PHACTR1: variants seen among roughly 807,000 people sequenced by gnomAD.
PHACTR1 encodes the protein RPEL repeat containing 1.
In PHACTR1, 16 loss-of-function variants were observed where a neutral mutation model predicts 69.2. The observed-to-expected ratio is 0.23, with a 90% CI of 0.16 to 0.35. The LOEUF (loss-of-function observed/expected upper bound fraction) is 0.35. Among genes scored for constraint, PHACTR1 ranks in the 10% least tolerant of loss-of-function variants. The pLI is 1.00. For synonymous variants in PHACTR1, 312 were observed against 284.5 expected (o/e 1.10, Z -0.97); for missense variants, 510 against 734.7 (o/e 0.69, Z 3.54).
At chr6:12,969,525 C>T (rs1025229095) in intron 4 of PHACTR1, among the ~76,000 whole-genome samples, 7 of 152,120 alleles carry the variant, frequency 4.6e-5, no homozygotes, top group Non-Finnish European at 1.0e-4. Flanking sequence ...GAGGATCACT[C>T]GAGTCCAGGA....
At chr6:12,868,921 G>A (rs1253567561) in intron 4 of PHACTR1, among the ~76,000 whole-genome samples, 2 of 151,986 alleles carry the variant, frequency 1.3e-5, no homozygotes, top group Admixed American at 6.6e-5. Flanking sequence ...ATTCCAAAGG[G>A]GTTCCACTTT....
chr6:12,743,191 A>C (rs1267314477), intron 3 of PHACTR1, among the ~76,000 whole-genome samples: 3 of 54,450 alleles, frequency 5.5e-5, no homozygotes, highest in African/African-American at 2.6e-4. Flanking sequence ...AATTGCAGGA[A>C]AAAAAAAAAA....
intron 6 of PHACTR1, among the ~76,000 whole-genome samples, chr6:13,162,545 C>T (rs960768990): frequency 9.2e-4 from 140 of 152,170 alleles, no homozygotes; most frequent in African/African-American, 3.4e-3. Context: ...AATAAGCACC[C>T]GAGTGCTTAA....
chr6:12,766,068 G>A (rs971071638), intron 4 of PHACTR1, among the ~76,000 whole-genome samples: 1 of 152,046 alleles, frequency 6.6e-6, no homozygotes, highest in African/African-American at 2.4e-5. Context: ...CTGGACCCTA[G>A]GAACTATCAT....
At chr6:13,172,928 G>C (rs1760811577) in intron 6 of PHACTR1, among the ~76,000 whole-genome samples, 6 of 152,250 alleles carry the variant, frequency 3.9e-5, no homozygotes, top group Admixed American at 3.3e-4. Flanking sequence ...AGGCAGAAAA[G>C]AACATCACGG....
intron 7 of PHACTR1, among the ~76,000 whole-genome samples, chr6:13,202,651 A>G (rs917794165): frequency 6.6e-6 from 1 of 152,040 alleles, no homozygotes; most frequent in African/African-American, 2.4e-5. Flanking sequence ...CTAATTTTGT[A>G]TTTTTAGTAG....
intron 7 of PHACTR1, among the ~76,000 whole-genome samples, chr6:13,196,799 A>G (rs931618588): frequency 6.6e-6 from 1 of 152,172 alleles, no homozygotes; most frequent in Non-Finnish European, 1.5e-5. Context: ...CTCCTGGAGC[A>G]TTTTGTGGTG....
At chr6:13,017,782 GAAATA>G (rs1307877042) in intron 4 of PHACTR1, among the ~76,000 whole-genome samples, 1 of 151,908 alleles carries the variant, frequency 6.6e-6, no homozygotes, top group Non-Finnish European at 1.5e-5. Context: ...AATTTCAATA[GAAATA>G]AAATATTTTA....
chr6:12,876,623 A>T (rs1449337599), intron 4 of PHACTR1, among the ~76,000 whole-genome samples: 3 of 152,240 alleles, frequency 2.0e-5, no homozygotes, highest in Non-Finnish European at 2.9e-5. Flanking sequence ...AAGACTGTAC[A>T]CAGACTAAGA....
chr6:13,262,271 A>T (rs898997263), intron 10 of PHACTR1, among the ~76,000 whole-genome samples: 2 of 152,166 alleles, frequency 1.3e-5, no homozygotes, highest in African/African-American at 4.8e-5. Context: ...TGGGCATCTC[A>T]CTAGGACTCC....
At chr6:13,060,445 G>A (rs1807501288) in intron 5 of PHACTR1, among the ~76,000 whole-genome samples, 2 of 152,166 alleles carry the variant, frequency 1.3e-5, no homozygotes, top group Non-Finnish European at 2.9e-5. Flanking sequence ...GTTTTATGAT[G>A]CACGAGAGAT....
At chr6:13,027,656 C>T (rs1176071121) in intron 4 of PHACTR1, among the ~76,000 whole-genome samples, 2 of 149,552 alleles carry the variant, frequency 1.3e-5, no homozygotes, top group Non-Finnish European at 3.0e-5. Flanking sequence ...ACACTTGCTG[C>T]ACAGGATGGT....
intron 4 of PHACTR1, among the ~76,000 whole-genome samples, chr6:12,790,037 A>T (rs930060675): frequency 6.6e-6 from 1 of 151,104 alleles, no homozygotes; most frequent in Non-Finnish European, 1.5e-5. Context: ...AACCTGGTTT[A>T]CTCTGATAAC....
chr6:12,718,637 T>C, intron 2 of PHACTR1, 62 bp from the exon 3 acceptor site: 1 of 447,302 alleles, frequency 2.2e-6, no homozygotes, highest in Non-Finnish European at 4.0e-6. Context: ...TTAAAGTACA[T>C]CTATATATAC....
chr6:13,063,993 T>G (rs1463092178), intron 5 of PHACTR1, among the ~76,000 whole-genome samples: 1 of 152,130 alleles, frequency 6.6e-6, no homozygotes, highest in Non-Finnish European at 1.5e-5. Context: ...AAGCTTGGAG[T>G]GGCACCAAGT....
At chr6:13,041,426 C>T (rs13190774) in intron 4 of PHACTR1, among the ~76,000 whole-genome samples, 25,119 of 151,274 alleles carry the variant, frequency 0.17, 2,560 homozygotes, top group South Asian at 0.26. Context: ...TGCAAAAATA[C>T]TCACTTCAGC....
intron 4 of PHACTR1, among the ~76,000 whole-genome samples, chr6:12,918,677 C>T (rs763246743): frequency 6.6e-6 from 1 of 152,186 alleles, no homozygotes; most frequent in South Asian, 2.1e-4. Flanking sequence ...CTCCCTAAAT[C>T]TTGCCTCATC....
chr6:13,254,602 C>T (rs944653041), intron 10 of PHACTR1, among the ~76,000 whole-genome samples: 1 of 152,176 alleles, frequency 6.6e-6, no homozygotes, highest in African/African-American at 2.4e-5. Context: ...ATGATCTTCC[C>T]ATCAGTCAAG....
At chr6:13,273,065 C>T in intron 11 of PHACTR1, 150 bp downstream of exon 11, 1 of 1,174,832 alleles carries the variant, frequency 8.5e-7, no homozygotes, top group Non-Finnish European at 1.2e-6. Flanking sequence ...CATGTTAGAA[C>T]ACCAAAGACG....
Sources: gnomAD v4.1 joint callset for allele counts (sites outside exome capture counted in the v4.1 genomes callset) on GRCh38, gnomAD v4.1.1 for gene constraint, MANE v1.5 for transcripts, NCBI Gene and HGNC (gene_info 2026-07-23, HGNC 2026-07-21) for gene names.